Variants in CNTNAP5 observed in about 807,000 individuals in gnomAD.
CNTNAP5 encodes the protein contactin-associated protein-like 5.
In CNTNAP5, 72 loss-of-function variants were observed where a neutral mutation model predicts 150.2. That is an observed-to-expected ratio of 0.48 (90% CI 0.40 to 0.58). The LOEUF (loss-of-function observed/expected upper bound fraction) is 0.58. Ranked by LOEUF, CNTNAP5 falls within the 20% of genes least tolerant of loss-of-function variation. The pLI, the probability that CNTNAP5 is intolerant of heterozygous loss-of-function variation, is 0.00. For missense variants in CNTNAP5, 1,636 were observed against 1,626.2 expected, an observed-to-expected ratio of 1.01 and a Z score of -0.10; for synonymous variants, 672 against 619.8, an observed-to-expected ratio of 1.08 and a Z score of -1.25.
chr2:124,087,818 GATTT>G (rs140173679), intron 1 of CNTNAP5, among the ~76,000 whole-genome samples: 13,681 of 149,332 alleles, frequency 0.092, 731 homozygotes, highest in Non-Finnish European at 0.12. Flanking sequence ...ATTGTCACTT[GATTT>G]GTTTTGTTTT....
chr2:124,415,542 T>A (rs1691895656), intron 3 of CNTNAP5, among the ~76,000 whole-genome samples: 1 of 152,250 alleles, frequency 6.6e-6, no homozygotes, highest in Admixed American at 6.5e-5. Context: ...ATTATCTTAC[T>A]TGGTTTTCAC....
At chr2:124,208,705 T>C (rs925001206) in intron 1 of CNTNAP5, among the ~76,000 whole-genome samples, 2 of 152,022 alleles carry the variant, frequency 1.3e-5, no homozygotes, top group African/African-American at 2.4e-5. Flanking sequence ...AATACAAAAA[T>C]CCAGACCAAG....
intron 5 of CNTNAP5, among the ~76,000 whole-genome samples, chr2:124,442,485 G>A (rs993286937): frequency 2.0e-5 from 3 of 152,124 alleles, no homozygotes; most frequent in Non-Finnish European, 4.4e-5. Flanking sequence ...TTAAAATAGT[G>A]GAATTTAGAC....
In CNTNAP5 at chr2:124,763,964, T is replaced by A; in HGVS notation, c.2363-13T>A. On this transcript the variant is annotated splice_polypyrimidine_tract_variant and intron_variant, in intron 15 of 23. Transcript: ENST00000682447. ...AAACGATAAACCATGTTGAAGGATTTTCTCATTTGCAGGACGCTTCTGGAA... is the reference window on the plus strand; with the variant it reads ...AAACGATAAACCATGTTGAAGGATTATCTCATTTGCAGGACGCTTCTGGAA... 2 of 1,607,948 alleles carry A rather than the reference T, an allele frequency of 1.2e-6. No individual in the cohort carries two copies.
chr2:124,287,435 T>C (rs1043698206), intron 3 of CNTNAP5, among the ~76,000 whole-genome samples: 1 of 152,244 alleles, frequency 6.6e-6, no homozygotes, highest in Non-Finnish European at 1.5e-5. Flanking sequence ...CAAGCTTCGT[T>C]AATCTCGGCA....
At chr2:124,737,388 A>G (rs1680406980) in intron 13 of CNTNAP5, among the ~76,000 whole-genome samples, 1 of 152,130 alleles carries the variant, frequency 6.6e-6, no homozygotes, top group Admixed American at 6.5e-5. Flanking sequence ...GGACCCAGTG[A>G]AAGACATCAG....
chr2:124,610,194 A>G (rs796506309), intron 12 of CNTNAP5, among the ~76,000 whole-genome samples: 14 of 152,274 alleles, frequency 9.2e-5, no homozygotes, highest in African/African-American at 3.1e-4. Flanking sequence ...CTCCAAGGGC[A>G]TTTTCTCTCC....
chr2:124,095,361 G>T (rs1273941342), intron 1 of CNTNAP5, among the ~76,000 whole-genome samples: 1 of 152,158 alleles, frequency 6.6e-6, no homozygotes, highest in Non-Finnish European at 1.5e-5. Flanking sequence ...ACGGGCTAGG[G>T]GAGGGAGAGC....
chr2:124,899,058 A>G (rs1678364255), intron 21 of CNTNAP5, among the ~76,000 whole-genome samples: 2 of 151,434 alleles, frequency 1.3e-5, no homozygotes, highest in Admixed American at 6.6e-5. Context: ...CACAAATGGT[A>G]TATAAGGTGA....
At chr2:124,280,362 G>A (rs983430584) in intron 3 of CNTNAP5, among the ~76,000 whole-genome samples, 1 of 151,888 alleles carries the variant, frequency 6.6e-6, no homozygotes, top group African/African-American at 2.4e-5. Context: ...TAGAAACAGG[G>A]TTTCACCATG....
At chr2:124,082,806 T>A (rs1403436478) in intron 1 of CNTNAP5, among the ~76,000 whole-genome samples, 1 of 152,096 alleles carries the variant, frequency 6.6e-6, no homozygotes, top group Non-Finnish European at 1.5e-5. Flanking sequence ...GAGCATTTGG[T>A]GTTGTCACTA....
chr2:124,863,281 C>T (rs114511780), intron 19 of CNTNAP5, among the ~76,000 whole-genome samples: 4 of 152,224 alleles, frequency 2.6e-5, no homozygotes, highest in Non-Finnish European at 5.9e-5. Flanking sequence ...TGTGGAAGGG[C>T]ATATTGCCCA....
intron 21 of CNTNAP5, among the ~76,000 whole-genome samples, chr2:124,899,163 C>A (rs1678366501): frequency 6.6e-6 from 1 of 151,238 alleles, no homozygotes; most frequent in Admixed American, 6.6e-5. Context: ...TATACAAAAA[C>A]CAAACAAATA....
chr2:124,172,533 C>A (rs1263536434), intron 1 of CNTNAP5, among the ~76,000 whole-genome samples: 1 of 152,206 alleles, frequency 6.6e-6, no homozygotes, highest in African/African-American at 2.4e-5. Context: ...CTGCCTCAGC[C>A]TTCCCAGTAG....
rs547401272 is a variant in CNTNAP5 at position 124,769,384 on chromosome 2, GA to G, written c.2534-3406del. ...CAGTGCCTAGCACAGGGTCTGGCTT[GA>G]AAAAAAAATGCCCTGAAAGGCTAAG... On this transcript the variant is annotated intron_variant, in intron 16 of 23. Transcript: ENST00000682447. Among the ~76,000 whole-genome samples, 163 of 150,698 alleles carry G rather than the reference GA, an allele frequency of 1.1e-3. 1 individual carries two copies. The highest frequency in any genetic ancestry group is 3.7e-3 in the African/African-American group (153 of 41,070).
At chr2:124,676,638 A>C (rs1430158698) in intron 13 of CNTNAP5, among the ~76,000 whole-genome samples, 11 of 152,182 alleles carry the variant, frequency 7.2e-5, no homozygotes, top group Admixed American at 5.9e-4. Context: ...GCATTTGAGG[A>C]GGCTACCAAA....
chr2:124,062,392 C>T (rs1424425527), intron 1 of CNTNAP5, among the ~76,000 whole-genome samples: 1 of 152,128 alleles, frequency 6.6e-6, no homozygotes, highest in African/African-American at 2.4e-5. Flanking sequence ...ATTATACTTC[C>T]TACAATTGTA....
At chr2:124,113,316 T>C (rs1410772931) in intron 1 of CNTNAP5, among the ~76,000 whole-genome samples, 2 of 152,126 alleles carry the variant, frequency 1.3e-5, no homozygotes, top group Non-Finnish European at 2.9e-5. Context: ...TTGTACACCT[T>C]TCTTTATAGG....
intron 1 of CNTNAP5, among the ~76,000 whole-genome samples, chr2:124,099,731 T>C (rs1020562200): frequency 6.6e-6 from 1 of 151,944 alleles, no homozygotes; most frequent in Non-Finnish European, 1.5e-5. Flanking sequence ...CTTTTACTCA[T>C]GGAGGGAGGC....
Sources: gnomAD v4.1 joint callset for allele counts (sites outside exome capture counted in the v4.1 genomes callset) on GRCh38, gnomAD v4.1.1 for gene constraint, MANE v1.5 for transcripts, NCBI Gene and HGNC (gene_info 2026-07-23, HGNC 2026-07-21) for gene names.